Variants in RIOK2 observed in about 807,000 individuals in gnomAD.
RIOK2 encodes the protein RIO kinase 2.
Under a neutral mutation model 62.4 loss-of-function variants are expected in RIOK2, and 46 were observed. The ratio of observed to expected loss-of-function variants is 0.74; its 90% CI spans 0.58 to 0.94. The LOEUF (loss-of-function observed/expected upper bound fraction) is 0.94, where lower values mean the gene tolerates loss of function less well. Ranked by LOEUF, RIOK2 falls within the 40% of genes least tolerant of loss-of-function variation. RIOK2 has a pLI of 0.00. For synonymous variants in RIOK2, 197 were observed against 216.0 expected, an observed-to-expected ratio of 0.91 and a Z score of 0.77; for missense variants, 574 against 658.0, an observed-to-expected ratio of 0.87 and a Z score of 1.40.
chr5:97,177,588 C>A, intron 3 of RIOK2, 144 bp downstream of exon 3: 7 of 609,404 alleles, frequency 1.1e-5, no homozygotes, highest in East Asian at 2.8e-5. Context: ...ATTAAGGACA[C>A]CTTCTGATTT....
In RIOK2 at chr5:97,162,411, C is replaced by T. The variant is rs1748728901; in HGVS notation, c.*650G>A. The T allele has an allele frequency of 1.3e-5, 2 of 152,382 alleles. No homozygotes were observed. The highest frequency in any genetic ancestry group is 1.3e-4 in the Admixed American group (2 of 15,286). 9.4% of individuals were successfully genotyped at this position (152,382 alleles called of 1,614,324 possible). A position where few individuals can be genotyped will look rare whatever the true frequency, so the allele number is the denominator to read the frequency against. ...CCTCATTCTACTCCACCTTCCCCAA[C>T]CCCTAACTCTTCTGCTACTCAGGCC... On this transcript the variant is annotated 3_prime_UTR_variant, in exon 10 of 10. Transcript: ENST00000283109.
intron 5 of RIOK2, 84 bp from the exon 6 acceptor site, chr5:97,171,481 ATT>A: frequency 1.1e-6 from 1 of 879,402 alleles, no homozygotes; most frequent in Non-Finnish European, 1.6e-6. Context: ...GAACATATAT[ATT>A]ATTTCCATGC....
Position 97,171,235 on chromosome 5 carries a change from C to A in RIOK2, c.750G>T (p.Met250Ile). ...DHITMIDFPQ[M>I]VSTSHPNAEW... ...CAGCATTGGGATGAGAAGTTGAAAC[C>A]ATCTGTGGAAAATCAATCATGGTGA... The change falls in exon 6 of 10, where the codon ATG becomes ATT. Residue 250 changes from methionine (M) to isoleucine (I), a missense_variant. Physicochemically the swap from Met to Ile is conservative, Grantham distance 10. Coordinates refer to ENST00000283109, the MANE Select transcript of RIOK2 (RefSeq NM_018343.3). The A allele has an allele frequency of 1.3e-6, 2 of 1,583,798 alleles. No individual in the cohort carries two copies. The highest frequency in any genetic ancestry group is 2.3e-5 in the South Asian group (2 of 85,986).
chr5:97,167,573 C>A lies in RIOK2; in HGVS notation c.1291G>T (p.Gly431Cys). 4.3e-6 allele frequency: 7 copies of A among 1,614,180 alleles called. No homozygotes were observed. Among genetic ancestry groups the A allele is most frequent in the Non-Finnish European group, 5.9e-6 (7 of 1,180,016 alleles). ...GGGACTCCTCCTTGAACTCTCTGAC[C>A]ATCTTGCCTGTTGTAATTTTCAGTT... ...NRTENYNRQD[G>C]QRVQGGVPAG... Residue 431 changes from glycine (G) to cysteine (C), a missense_variant, in exon 8 of 10, where the codon GGT (glycine) becomes TGT (cysteine). By Grantham distance (159) the Gly-to-Cys change is radical. Transcript: ENST00000283109.
At chr5:97,176,788 A>G (rs1466714611) in intron 4 of RIOK2, among the ~76,000 whole-genome samples, 1 of 152,246 alleles carries the variant, frequency 6.6e-6, no homozygotes, top group Non-Finnish European at 1.5e-5. Context: ...GTATAGTTAC[A>G]TATATTGAAT....
rs774175118 is a variant in RIOK2, at chr5:97,171,345, C to G, written c.640G>C (p.Glu214Gln). 1.2e-6 allele frequency: 2 copies of G among 1,605,542 alleles called. No homozygotes were observed. The highest frequency in any genetic ancestry group is 1.1e-5 in the South Asian group (1 of 89,296). The change falls in exon 6 of 10, where the codon GAA becomes CAA. Residue 214 changes from glutamate (E) to glutamine (Q), a missense_variant. Coordinates refer to ENST00000283109, the MANE Select transcript of RIOK2 (RefSeq NM_018343.3). ...TGATTTGCAAGTTTGACAATTAGTT[C>G]CATAGCTTCATCATATACTGATGCA... The part of the protein sequence containing the change: ...DPASVYDEAM[E>Q]LIVKLANHGL...
intron 2 of RIOK2, 70 bp from the exon 3 acceptor site, chr5:97,177,918 T>G (rs1392828307): frequency 1.1e-6 from 1 of 916,292 alleles, no homozygotes; most frequent in Non-Finnish European, 1.7e-6. Flanking sequence ...TAAGTTCAAG[T>G]CATAAGAAAG....
chr5:97,167,100 A>G, intron 8 of RIOK2: 1 of 599,540 alleles, frequency 1.7e-6, no homozygotes, highest in Non-Finnish European at 2.2e-6. Flanking sequence ...TATTTTTAGT[A>G]GAGACAGGGT....
intron 1 of RIOK2, among the ~76,000 whole-genome samples, chr5:97,179,992 A>AATATATATATATTATATATATATAAAAT (rs1749304384): frequency 3.1e-5 from 1 of 32,566 alleles, no homozygotes; most frequent in Non-Finnish European, 5.8e-5. Flanking sequence ...ATATATATAA[A>AATATATATATATTATATATATATAAAAT]ATATATATAT....
intron 5 of RIOK2, among the ~76,000 whole-genome samples, chr5:97,172,553 TCTTAA>T (rs1160613366): frequency 2.0e-5 from 3 of 152,188 alleles, no homozygotes; most frequent in African/African-American, 4.8e-5. Flanking sequence ...TGTAATAGCC[TCTTAA>T]CTTGTCTTCC....
chr5:97,167,265 T>C lies in RIOK2; in HGVS notation c.1397+202A>G, dbSNP rs111844358. Reference sequence around the variant, plus strand: ...GCAGAATTACTTGAAATTTAGTCAATAGGCTGCCTAGAATCAGGTCAATTG... The same window carrying C: ...GCAGAATTACTTGAAATTTAGTCAACAGGCTGCCTAGAATCAGGTCAATTG... On this transcript the variant is annotated intron_variant, in intron 8 of 9. Transcript: ENST00000283109. 5.4e-5 allele frequency: 77 copies of C among 1,426,248 alleles called. No individual in the cohort carries two copies. The African/African-American group carries it at 8.3e-4, about 15-fold the overall frequency. 88.3% of individuals were successfully genotyped at this position (1,426,248 alleles called of 1,614,324 possible). A position where few individuals can be genotyped will look rare whatever the true frequency, so the allele number is the denominator to read the frequency against.
At chr5:97,164,245 A>G (rs181828423) in intron 9 of RIOK2, among the ~76,000 whole-genome samples, 40 of 151,942 alleles carry the variant, frequency 2.6e-4, no homozygotes, top group Middle Eastern at 6.8e-3. Flanking sequence ...TCACGCCTGA[A>G]ATCCCAGCAC....
chr5:97,178,126 T>C (rs991603521), intron 2 of RIOK2, among the ~76,000 whole-genome samples: 8 of 152,226 alleles, frequency 5.3e-5, no homozygotes, highest in Non-Finnish European at 7.3e-5. Flanking sequence ...CTAGAATTTA[T>C]GTCTGTTTTT....
intron 1 of RIOK2, among the ~76,000 whole-genome samples, chr5:97,181,854 G>T (rs1165529478): frequency 1.3e-5 from 2 of 151,764 alleles, no homozygotes; most frequent in Non-Finnish European, 2.9e-5. Flanking sequence ...CGAAGTGATA[G>T]TAGGTTTTCA....
chr5:97,163,216 T>A lies in RIOK2; in HGVS notation c.1504A>T (p.Lys502Ter). Reference sequence around the variant, plus strand: ...GTCAACTGACGTTTCACCTTCTGTTTCACCAGTTCCTGGAAAGATTTCATA... The same window carrying A: ...GTCAACTGACGTTTCACCTTCTGTTACACCAGTTCCTGGAAAGATTTCATA... ...SCSTIPPELVKQKVKRQLTKQ... is the reference protein window; with the variant it reads ...SCSTIPPELV The change falls in exon 10 of 10, where the codon AAA (lysine) becomes TAA (stop). Residue 502 changes from lysine (K) to a stop codon, truncating the protein, a stop_gained. Transcript: ENST00000283109. LOFTEE classifies it high-confidence loss of function. 6.2e-7 allele frequency: 1 copy of A among 1,613,236 alleles called. No homozygotes were observed. The highest frequency in any genetic ancestry group is 1.7e-5 in the Admixed American group (1 of 59,970).
intron 5 of RIOK2, 103 bp from the exon 6 acceptor site, chr5:97,171,500 T>C (rs2432090): frequency 0.063 from 44,174 of 700,036 alleles, 1,555 homozygotes; most frequent in East Asian, 0.09. Context: ...ATGCTGTGTA[T>C]CCCCAGCAGC....
At chr5:97,171,165 A>C in intron 6 of RIOK2, 41 bp downstream of exon 6, 8 of 1,290,474 alleles carry the variant, frequency 6.2e-6, no homozygotes, top group Non-Finnish European at 8.0e-6. Flanking sequence ...GTCTCCAAAA[A>C]AATAAAATAA....
In RIOK2 at chr5:97,177,037, A is replaced by G. The variant is rs141451400; in HGVS notation, c.498+79T>C. The G allele has an allele frequency of 5.8e-5, 69 of 1,192,364 alleles. No individual in the cohort carries two copies. In the Middle Eastern group the frequency reaches 1.4e-3, roughly 24 times the overall value. 73.9% of individuals were successfully genotyped at this position (1,192,364 alleles called of 1,614,324 possible). On this transcript the variant is annotated intron_variant, in intron 4 of 9. Transcript: ENST00000283109. The stretch of plus-strand genomic sequence containing the variant: ...GTTAGAGAGATGTGGGGACAACAGA[A>G]TCACACTTGTCATTAAGGCCTTTGA...
chr5:97,179,294 A>C (rs1749269513), intron 1 of RIOK2, 101 bp from the exon 2 acceptor site: 1 of 1,052,594 alleles, frequency 9.5e-7, no homozygotes, highest in Non-Finnish European at 1.4e-6. Flanking sequence ...CTGACTATGC[A>C]GTTCTCCAAC....
Sources: allele counts gnomAD v4.1 joint callset (sites outside exome capture counted in the v4.1 genomes callset), GRCh38; gene constraint gnomAD v4.1.1; transcripts MANE v1.5; gene names NCBI Gene and HGNC (gene_info 2026-07-23, HGNC 2026-07-21).